Variants in NEBL observed in about 807,000 individuals in gnomAD.
NEBL encodes the protein LIM and SH3 protein 2.
NEBL carries 122 observed loss-of-function variants against 140.2 expected under a neutral mutation model. The ratio of observed to expected loss-of-function variants is 0.87; its 90% CI spans 0.75 to 1.01. The LOEUF is 1.01. Among genes scored for constraint, NEBL ranks in the 50% least tolerant of loss-of-function variants. The probability of loss-of-function intolerance (pLI) is 0.00; values close to 1 mark genes in which losing one functional copy is unlikely to be tolerated. For synonymous variants in NEBL, 436 were observed against 398.9 expected (o/e 1.09, Z -1.11); for missense variants, 1,365 against 1,231.3 (o/e 1.11, Z -1.62).
chr10:20,822,372 T>C, intron 19 of NEBL, among the ~76,000 whole-genome samples: 1 of 151,942 alleles, frequency 6.6e-6, no homozygotes, highest in East Asian at 1.9e-4. Context: ...GGTCTATCTA[T>C]AGATAGATAT....
At chr10:21,133,411 T>A (rs955882317) in intron 2 of NEBL, among the ~76,000 whole-genome samples, 2 of 152,176 alleles carry the variant, frequency 1.3e-5, no homozygotes, top group Non-Finnish European at 2.9e-5. Flanking sequence ...TCTCTATGAT[T>A]CCCCAATCAG....
chr10:20,859,978 C>T (rs1335504782), intron 7 of NEBL, 152 bp from the exon 8 acceptor site: 1 of 506,398 alleles, frequency 2.0e-6, no homozygotes, highest in Non-Finnish European at 3.5e-6. Flanking sequence ...TAATTAGGCA[C>T]AAAAGTTTTT....
chr10:21,190,111 G>C (rs925688224), intron 3 of NEBL, among the ~76,000 whole-genome samples: 2 of 152,142 alleles, frequency 1.3e-5, no homozygotes, highest in Non-Finnish European at 2.9e-5. Flanking sequence ...AATTCATCTT[G>C]CTACCCGAGC....
At chr10:21,121,116 T>G (rs1211164702) in intron 2 of NEBL, among the ~76,000 whole-genome samples, 1 of 152,164 alleles carries the variant, frequency 6.6e-6, no homozygotes, top group African/African-American at 2.4e-5. Context: ...GCCCTGAAAC[T>G]TTTTTTAACA....
At chr10:21,213,993 T>C (rs1354683052) in intron 3 of NEBL, among the ~76,000 whole-genome samples, 2 of 152,086 alleles carry the variant, frequency 1.3e-5, no homozygotes, top group Admixed American at 6.6e-5. Flanking sequence ...TCACAGACAA[T>C]AGATTTTCCC....
chr10:20,836,982 G>A (rs1170564653), intron 13 of NEBL, among the ~76,000 whole-genome samples: 1 of 152,128 alleles, frequency 6.6e-6, no homozygotes, highest in East Asian at 1.9e-4. Flanking sequence ...CTGCTCCACT[G>A]ATCAGCCGTT....
chr10:20,842,032 C>A (rs1380623975), intron 12 of NEBL, among the ~76,000 whole-genome samples: 1 of 151,974 alleles, frequency 6.6e-6, no homozygotes, highest in Non-Finnish European at 1.5e-5. Context: ...ATATCTTATT[C>A]CTATTCAACT....
In NEBL at chr10:21,173,525, C is replaced by T. The variant is rs1466609329; in HGVS notation, c.69+240G>A. ...CCGTGCGCCCTCCGCAGAGGCTCTG[C>T]CGATGTCGCACCGCCCCGCACCGCG... On this transcript the variant is annotated intron_variant, in intron 1 of 6. Coordinates refer to the NEBL transcript ENST00000417816. The surrounding 1 kb of genome is among the most constrained non-coding windows in gnomAD (Gnocchi z 5.7). Among the ~76,000 whole-genome samples, 1 of 152,180 alleles carries T rather than the reference C, an allele frequency of 6.6e-6. No individual in the cohort carries two copies. Among genetic ancestry groups the T allele is most frequent in the Admixed American group, 6.5e-5 (1 of 15,288 alleles).
intron 4 of NEBL, among the ~76,000 whole-genome samples, chr10:20,916,437 G>A (rs1848559849): frequency 6.6e-6 from 1 of 152,190 alleles, no homozygotes; most frequent in Non-Finnish European, 1.5e-5. Flanking sequence ...GTCTCACTCT[G>A]TTGCCCAGAC....
At chr10:21,131,471 T>G (rs916300152) in intron 2 of NEBL, among the ~76,000 whole-genome samples, 4 of 152,136 alleles carry the variant, frequency 2.6e-5, no homozygotes, top group African/African-American at 7.2e-5. Flanking sequence ...TCAGTGGGCC[T>G]GTACTCTGCT....
intron 2 of NEBL, chr10:21,030,147 T>C: frequency 2.1e-6 from 1 of 476,212 alleles, no homozygotes; most frequent in East Asian, 4.9e-5. Context: ...GAAGAATGGC[T>C]ACAGAAGGAA....
upstream of NEBL, among the ~76,000 whole-genome samples, chr10:21,176,724 A>G (rs915049403): frequency 6.6e-6 from 1 of 152,124 alleles, no homozygotes; most frequent in Non-Finnish European, 1.5e-5. Flanking sequence ...CTACCCCAAT[A>G]TCTCTACTTT....
chr10:21,247,143 C>A (rs942126622), intron 3 of NEBL, among the ~76,000 whole-genome samples: 3 of 152,102 alleles, frequency 2.0e-5, no homozygotes, highest in Admixed American at 6.6e-5. Context: ...AGGACTCCCC[C>A]GCTATGCTTC....
At chr10:20,849,135 G>C (rs1842246755) in intron 11 of NEBL, among the ~76,000 whole-genome samples, 1 of 152,064 alleles carries the variant, frequency 6.6e-6, no homozygotes, top group Non-Finnish European at 1.5e-5. Flanking sequence ...TAAGAACCCA[G>C]CTGCACCCAC....
intron 4 of NEBL, among the ~76,000 whole-genome samples, chr10:20,936,351 G>A (rs1589038830): frequency 6.6e-6 from 1 of 152,176 alleles, no homozygotes; most frequent in South Asian, 2.1e-4. Flanking sequence ...GTGGGCATCA[G>A]AACTCAGGTC....
chr10:21,169,060 AAAAAAAAATATATAT>A (rs1173574945), intron 2 of NEBL, among the ~76,000 whole-genome samples: 20 of 57,656 alleles, frequency 3.5e-4, no homozygotes, highest in Admixed American at 8.6e-4. Context: ...AAAAAAAAAA[AAAAAAAAATATATAT>A]ATATATATAT....
At chr10:21,067,850 G>A (rs1476755301) in intron 2 of NEBL, among the ~76,000 whole-genome samples, 3 of 152,044 alleles carry the variant, frequency 2.0e-5, no homozygotes, top group East Asian at 1.9e-4. Context: ...GCATGGTGGC[G>A]AACCTGTGGT....
rs146346114 is a variant in NEBL at position 21,017,394 on chromosome 10, A to T, written c.249+2723T>A. On this transcript the variant is annotated intron_variant, in intron 3 of 6. Transcript: ENST00000417816. Reference sequence around the variant, plus strand: ...TGGAGCCCAATTGCTTCTAAAGAACACGACATTTGAGCAAAATCTTTATAA... The same window carrying T: ...TGGAGCCCAATTGCTTCTAAAGAACTCGACATTTGAGCAAAATCTTTATAA... 8.5e-3 allele frequency among the ~76,000 whole-genome samples: 1,293 copies of T among 152,188 alleles called. 22 individuals are homozygous for T. Among genetic ancestry groups the T allele is most frequent in the African/African-American group, 0.029 (1,205 of 41,478 alleles).
At chr10:20,901,717 G>A (rs1847879275), upstream of NEBL, among the ~76,000 whole-genome samples, 1 of 152,112 alleles carries the variant, frequency 6.6e-6, no homozygotes, top group African/African-American at 2.4e-5. Flanking sequence ...CTGCCATGAT[G>A]GTTTTTTCAC....
Sources: allele counts gnomAD v4.1 joint callset (sites outside exome capture counted in the v4.1 genomes callset), GRCh38; gene constraint gnomAD v4.1.1; non-coding constraint Gnocchi (gnomAD v3.1); transcripts MANE v1.5; gene names NCBI Gene and HGNC (gene_info 2026-07-23, HGNC 2026-07-21).